The following SWT1 variants were observed in gnomAD, a reference collection of about 807,000 sequenced individuals.
SWT1 encodes the protein transcriptional protein SWT1.
A neutral mutation model predicts 107.3 loss-of-function variants in SWT1; 33 were observed. That is an observed-to-expected ratio of 0.31 (90% CI 0.23 to 0.41). The LOEUF is 0.41. Among genes scored for constraint, SWT1 ranks in the 10% least tolerant of loss-of-function variants. The pLI is 1.00. For synonymous variants in SWT1, 345 were observed against 348.3 expected, an observed-to-expected ratio of 0.99 and a Z score of 0.11; for missense variants, 898 against 1,028.9, an observed-to-expected ratio of 0.87 and a Z score of 1.74.
At chr1:185,227,463 A>C (rs1317884034) in intron 15 of SWT1, 4 of 601,624 alleles carry the variant, frequency 6.6e-6, no homozygotes, top group Admixed American at 2.0e-5. Flanking sequence ...GTTTGTGTAC[A>C]TATGCTGTGC....
intron 4 of SWT1, among the ~76,000 whole-genome samples, chr1:185,173,809 G>A (rs1655306098): frequency 6.6e-6 from 1 of 151,900 alleles, no homozygotes; most frequent in African/African-American, 2.4e-5. Context: ...TTGAGCCCAG[G>A]AGTTTGAGAC....
At chr1:185,257,493 T>A (rs1489089938) in intron 16 of SWT1, among the ~76,000 whole-genome samples, 2 of 152,190 alleles carry the variant, frequency 1.3e-5, no homozygotes, top group African/African-American at 4.8e-5. Flanking sequence ...GTGCGCCGTT[T>A]TTTAAGCCGG....
In SWT1 at chr1:185,221,880, A is replaced by G. The variant is rs1287257425; in HGVS notation, c.2153A>G (p.Glu718Gly). ...ACAAAACTTAAGCCAAATTCTTCAG[A>G]AAACACAGTGACTAAAAAGCAGGAA... is the stretch of plus-strand genomic sequence containing the variant. ...VKTKLKPNSS[E>G]NTVTKKQEGT... Residue 718 changes from glutamate to glycine, a missense_variant, in exon 15 of 19, where the codon GAA becomes GGA. This residue lies in a region of SWT1 where 382 missense variants were observed against 460.0 expected (regional missense o/e 0.83). Coordinates refer to ENST00000367500, the MANE Select transcript of SWT1 (RefSeq NM_017673.7). 6.2e-7 allele frequency: 1 copy of G among 1,602,404 alleles called. No individual in the cohort carries two copies. The highest frequency in any genetic ancestry group is 1.1e-5 in the South Asian group (1 of 88,384).
At position 185,277,976 on chromosome 1, in the gene SWT1, C is replaced by CT. The variant is rs1002613836; in HGVS notation, c.2573+1317dup. Among the ~76,000 whole-genome samples the CT allele has an allele frequency of 3.3e-5, 5 of 151,334 alleles. No individual in the cohort carries two copies. The East Asian group carries it at 7.8e-4, about 24-fold the overall frequency. ...AAGGGCAAGTATTATAAATCCAATT[C>CT]TTTTTTTTTAATCTTCTTTTTGTCT... is the stretch of plus-strand genomic sequence containing the variant. On this transcript the variant is annotated intron_variant, in intron 18 of 18. Coordinates refer to ENST00000367500, the MANE Select transcript of SWT1 (RefSeq NM_017673.7).
intron 17 of SWT1, among the ~76,000 whole-genome samples, chr1:185,274,695 T>C (rs896412440): frequency 2.0e-5 from 3 of 152,318 alleles, no homozygotes; most frequent in African/African-American, 7.2e-5. Context: ...ATGATACCCA[T>C]TTCACAATTC....
intron 15 of SWT1, among the ~76,000 whole-genome samples, chr1:185,228,199 A>ATATATG (rs1205547458): frequency 1.6e-5 from 2 of 121,292 alleles, no homozygotes; most frequent in Admixed American, 8.2e-5. Context: ...ACATATATAT[A>ATATATG]TACTCAGTAT....
intron 3 of SWT1, among the ~76,000 whole-genome samples, chr1:185,168,049 G>A (rs758286203): frequency 1.3e-5 from 2 of 152,026 alleles, no homozygotes; most frequent in Non-Finnish European, 2.9e-5. Flanking sequence ...CTTGTGCTTG[G>A]CCCAGTTTCC....
chr1:185,177,398 G>A (rs952847340), intron 5 of SWT1, among the ~76,000 whole-genome samples: 7 of 152,314 alleles, frequency 4.6e-5, no homozygotes, highest in Non-Finnish European at 2.9e-5. Context: ...GAGGTACATA[G>A]CAAGAATATT....
In SWT1 at chr1:185,184,614, T is replaced by C. The variant is rs573722218; in HGVS notation, c.1241-129T>C. The C allele has an allele frequency of 5.8e-5, 35 of 608,668 alleles. No homozygotes were observed. In the South Asian group the frequency reaches 8.3e-4, roughly 15 times the overall value. 37.7% of individuals were successfully genotyped at this position (608,668 alleles called of 1,614,324 possible). A position where few individuals can be genotyped will look rare whatever the true frequency, so the allele number is the denominator to read the frequency against. The stretch of plus-strand genomic sequence containing the variant: ...AATTTCCATTTTATAATATATTGTC[T>C]CTCAATTTATTGTGAATTTCCTAAA... On this transcript the variant is annotated intron_variant, in intron 8 of 18. Coordinates refer to ENST00000367500, the MANE Select transcript of SWT1 (RefSeq NM_017673.7).
intron 1 of SWT1, among the ~76,000 whole-genome samples, chr1:185,157,899 C>A (rs1653763777): frequency 6.6e-6 from 1 of 152,148 alleles, no homozygotes; most frequent in African/African-American, 2.4e-5. Context: ...GTACTTCTCT[C>A]CCCTTCACTC....
intron 16 of SWT1, among the ~76,000 whole-genome samples, chr1:185,235,321 A>G (rs896285890): frequency 6.6e-6 from 1 of 152,168 alleles, no homozygotes; most frequent in Non-Finnish European, 1.5e-5. Flanking sequence ...TAATAAAATT[A>G]TGGCACACCA....
At chr1:185,212,452 T>C (rs966423477) in intron 13 of SWT1, among the ~76,000 whole-genome samples, 2 of 152,156 alleles carry the variant, frequency 1.3e-5, no homozygotes, top group African/African-American at 4.8e-5. Context: ...GAAGTGAAGA[T>C]GTGATGACTG....
At chr1:185,160,981 G>GA (rs927922163) in intron 2 of SWT1, 56 bp downstream of exon 2, 3 of 1,287,798 alleles carry the variant, frequency 2.3e-6, no homozygotes, top group Admixed American at 1.9e-5. Context: ...TTTGCTTAAT[G>GA]AAAAAAATAC....
At chr1:185,258,385 A>G (rs1162720421) in intron 16 of SWT1, among the ~76,000 whole-genome samples, 2 of 152,128 alleles carry the variant, frequency 1.3e-5, no homozygotes, top group Non-Finnish European at 2.9e-5. Context: ...TGTTGTGTTT[A>G]GCTTTATCAT....
At chr1:185,286,287 G>A (rs968332108) in intron 18 of SWT1, among the ~76,000 whole-genome samples, 1 of 152,090 alleles carries the variant, frequency 6.6e-6, no homozygotes, top group Non-Finnish European at 1.5e-5. Context: ...GCAGTGGCGC[G>A]ATCTCGGCTC....
chr1:185,199,646 A>T (rs1657699349), intron 10 of SWT1, among the ~76,000 whole-genome samples: 1 of 152,130 alleles, frequency 6.6e-6, no homozygotes, highest in South Asian at 2.1e-4. Context: ...TTTGTGGGTA[A>T]CCCGACTTTT....
At position 185,277,276 on chromosome 1, in the gene SWT1, ATTTG is replaced by A. The variant is rs1425733505; in HGVS notation, c.2573+612_2573+615del. Among the ~76,000 whole-genome samples, 5 of 151,830 alleles carry A rather than the reference ATTTG, an allele frequency of 3.3e-5. No individual in the cohort carries two copies. The South Asian group carries it at 1.0e-3, about 32-fold the overall frequency. On this transcript the variant is annotated intron_variant, in intron 18 of 18. Coordinates refer to ENST00000367500, the MANE Select transcript of SWT1 (RefSeq NM_017673.7). ...TATTTATTTATTTATTTGTTTATTTATTTGTTTTTTTTTATTTTTTCTTTGACAC... is the reference window on the plus strand; with the variant it reads ...TATTTATTTATTTATTTGTTTATTTATTTTTTTTTATTTTTTCTTTGACAC...
chr1:185,270,974 T>G (rs1385951653), intron 16 of SWT1, among the ~76,000 whole-genome samples: 1 of 152,244 alleles, frequency 6.6e-6, no homozygotes, highest in South Asian at 2.1e-4. Flanking sequence ...TTAAAAGATA[T>G]GAAGTATAAA....
intron 15 of SWT1, among the ~76,000 whole-genome samples, chr1:185,222,932 C>G (rs1198797110): frequency 6.6e-6 from 1 of 152,120 alleles, no homozygotes; most frequent in Admixed American, 6.6e-5. Flanking sequence ...CCTCATTCTC[C>G]CATCTCCGTT....
Sources: gnomAD v4.1 joint callset for allele counts (sites outside exome capture counted in the v4.1 genomes callset) on GRCh38, gnomAD v4.1.1 for gene constraint, gnomAD v4.1.1 regional missense constraint, MANE v1.5 for transcripts, NCBI Gene and HGNC (gene_info 2026-07-23, HGNC 2026-07-21) for gene names.